The following XIST variants were observed in gnomAD, a reference collection of about 807,000 sequenced individuals.
XIST encodes X inactive specific transcript (non-protein coding).
Position 73,838,011 on chromosome X carries a change from T to C in XIST, n.11343-508A>G, listed in dbSNP as rs750062778. 4.5e-5 allele frequency among the ~76,000 whole-genome samples: 5 copies of C among 112,084 alleles called. No individual in the cohort carries two copies. The South Asian group carries it at 1.8e-3, about 41-fold the overall frequency. ...CATTAGCAATTAAACTTTGTTTTTG[T>C]ACATCAACAGATTTCCTGGAAAGAC... On this transcript the variant is annotated intron_variant and non_coding_transcript_variant, in intron 1 of 5. Coordinates refer to ENST00000429829, the Ensembl canonical transcript of XIST.
At chrX:73,821,644 C>T in exon 6 of XIST, 1 of 554,885 alleles carries the variant, frequency 1.8e-6, no homozygotes, top group Non-Finnish European at 3.3e-6. Context: ...GGCAGGTTGC[C>T]CTTAAAACAG....
At chrX:73,849,997 T>A in exon 1 of XIST, 1 of 558,229 alleles carries the variant, frequency 1.8e-6, no homozygotes, top group Non-Finnish European at 3.2e-6. Context: ...TACTCCAATA[T>A]AATAAGTCTG....
intron 2 of XIST, among the ~76,000 whole-genome samples, chrX:73,836,369 T>A (rs1397570882): frequency 9.0e-6 from 1 of 111,445 alleles, no homozygotes; most frequent in Non-Finnish European, 1.9e-5. Flanking sequence ...AAACTCTCCC[T>A]AAACTTAACC....
At chrX:73,822,756 A>G in exon 6 of XIST, 1 of 550,416 alleles carries the variant, frequency 1.8e-6, no homozygotes, top group Non-Finnish European at 3.3e-6. Flanking sequence ...AGCATTTAGT[A>G]TCATCTTCAT....
chrX:73,827,240 C>T, exon 6 of XIST: 1 of 558,657 alleles, frequency 1.8e-6, no homozygotes. Flanking sequence ...TGATAGCCGA[C>T]GTTCTGCACC....
intron 2 of XIST, among the ~76,000 whole-genome samples, chrX:73,835,861 A>T (rs777432453): frequency 4.5e-5 from 5 of 111,992 alleles, no homozygotes; most frequent in Middle Eastern, 4.6e-3. Context: ...TACTCAACAT[A>T]ATTTCATGTT....
chrX:73,823,433 C>G (rs1219760878), exon 6 of XIST: 11 of 513,060 alleles, frequency 2.1e-5, no homozygotes, highest in Non-Finnish European at 3.8e-5. Context: ...ACAATCAAAC[C>G]AAAGATGTTC....
At chrX:73,825,853 T>C (rs1291034752) in exon 6 of XIST, 2 of 555,473 alleles carry the variant, frequency 3.6e-6, no homozygotes, top group Admixed American at 2.2e-5. Context: ...TTATCAGTCA[T>C]TTAAATCAAC....
exon 1 of XIST, chrX:73,841,509 C>T (rs1922586959): frequency 1.8e-6 from 1 of 557,927 alleles, no homozygotes; most frequent in Non-Finnish European, 3.2e-6. Context: ...TCAGTTATTA[C>T]AAAGAACTGC....
intron 3 of XIST, among the ~76,000 whole-genome samples, chrX:73,832,348 G>A (rs1922404140): frequency 9.1e-6 from 1 of 110,055 alleles, no homozygotes; most frequent in South Asian, 3.9e-4. Context: ...AAAAATACAC[G>A]CCACAAAAAC....
chrX:73,841,342 T>C (rs1366262057), intron 1 of XIST: 2 of 449,771 alleles, frequency 4.4e-6, no homozygotes, highest in Non-Finnish European at 7.8e-6. Flanking sequence ...GAAAATAGAA[T>C]AGGAAAAAGA....
exon 1 of XIST, chrX:73,846,482 C>T (rs371979729): frequency 1.8e-6 from 1 of 558,255 alleles, no homozygotes; most frequent in Non-Finnish European, 3.2e-6. Context: ...AAGGGGACTG[C>T]GTTATCAGCA....
At chrX:73,852,631 G>T (rs1303668067) in exon 1 of XIST, 1 of 488,686 alleles carries the variant, frequency 2.0e-6, no homozygotes, top group Non-Finnish European at 3.6e-6. Flanking sequence ...GGTGTTGGGG[G>T]ACTAGAAAAT....
chrX:73,822,943 C>T, exon 6 of XIST: 3 of 558,574 alleles, frequency 5.4e-6, no homozygotes, highest in East Asian at 3.2e-5. Context: ...GTGTTTCCAC[C>T]ATAAGATAAA....
chrX:73,821,050 GT>G (rs1922099643), exon 6 of XIST: 1 of 557,346 alleles, frequency 1.8e-6, no homozygotes, highest in Non-Finnish European at 3.2e-6. Context: ...AAGGCTTTTA[GT>G]TACTTTCTTC....
At chrX:73,820,765 C>T in exon 6 of XIST, 1 of 556,791 alleles carries the variant, frequency 1.8e-6, no homozygotes, top group Non-Finnish European at 3.2e-6. Flanking sequence ...CCATGCTGAA[C>T]AATATTTTTC....
exon 6 of XIST, chrX:73,820,807 T>G (rs772932225): frequency 3.6e-6 from 2 of 558,345 alleles, no homozygotes; most frequent in East Asian, 6.5e-5. Context: ...TCAAAAGAGA[T>G]TCTGCATTTC....
At chrX:73,841,961 CCACA>C (rs1922599635) in exon 1 of XIST, 1 of 537,177 alleles carries the variant, frequency 1.9e-6, no homozygotes, top group Non-Finnish European at 3.3e-6. Flanking sequence ...CTGGTAAAGC[CCACA>C]CAAAGATACT....
chrX:73,846,150 C>A (rs776910163), exon 1 of XIST: 1 of 551,389 alleles, frequency 1.8e-6, no homozygotes, highest in African/African-American at 2.3e-5. Context: ...TACACAGGAA[C>A]CGGGACAAAC....
Sources: gnomAD v4.1 joint callset for allele counts (sites outside exome capture counted in the v4.1 genomes callset) on GRCh38, gnomAD v4.1.1 for gene constraint, MANE v1.5 for transcripts, NCBI Gene and HGNC (gene_info 2026-07-23, HGNC 2026-07-21) for gene names.